Variants in SGCD observed in about 807,000 individuals in gnomAD.
The protein encoded by SGCD is sarcoglycan delta.
A neutral mutation model predicts 36.6 loss-of-function variants in SGCD; 18 were observed. That is an observed-to-expected ratio of 0.49 (90% confidence interval 0.34 to 0.73). The LOEUF is 0.73. SGCD is among the 30% of genes least tolerant of loss of function. The probability of loss-of-function intolerance (pLI) is 0.01; values close to 1 mark genes in which losing one functional copy is unlikely to be tolerated. For synonymous variants in SGCD, 133 were observed against 130.6 expected, an observed-to-expected ratio of 1.02 and a Z score of -0.12; for missense variants, 387 against 346.7, an observed-to-expected ratio of 1.12 and a Z score of -0.92.
chr5:156,457,452 A>G lies in SGCD; in HGVS notation c.193-51149A>G, dbSNP rs1279345923. ...TTTCCATAAAAAGCACAAAACAGTA[A>G]GTATTTGACACATCCATTCAAAAAT... On this transcript the variant is annotated intron_variant, in intron 3 of 8. Coordinates refer to ENST00000337851, the MANE Select transcript of SGCD (RefSeq NM_000337.6). Among the ~76,000 whole-genome samples the G allele has an allele frequency of 2.6e-5, 4 of 152,358 alleles. No individual in the cohort carries two copies. The East Asian group carries it at 7.7e-4, about 29-fold the overall frequency.
chr5:156,729,015 T>C (rs1032485299), intron 7 of SGCD, among the ~76,000 whole-genome samples: 5 of 152,210 alleles, frequency 3.3e-5, no homozygotes, highest in African/African-American at 4.8e-5. Context: ...CTGGAATAGA[T>C]TACAGCCATA....
At chr5:156,738,368 G>A (rs571956562) in intron 7 of SGCD, among the ~76,000 whole-genome samples, 10 of 152,196 alleles carry the variant, frequency 6.6e-5, no homozygotes, top group South Asian at 2.1e-4. Context: ...TGGAAACCTC[G>A]AGTTCTGAGG....
intron 3 of SGCD, among the ~76,000 whole-genome samples, chr5:156,239,424 A>G (rs1009135570): frequency 6.8e-6 from 1 of 147,326 alleles, no homozygotes; most frequent in Non-Finnish European, 1.5e-5. Context: ...AAAAAAAATT[A>G]GATTTGGTCA....
At chr5:155,782,242 C>A in the SGCD span, among the ~76,000 whole-genome samples, 2 of 152,036 alleles carry the variant, frequency 1.3e-5, no homozygotes, top group Non-Finnish European at 2.9e-5. Flanking sequence ...CCAGGCTGGT[C>A]TCGAACTCCT....
the SGCD span, among the ~76,000 whole-genome samples, chr5:155,742,365 T>C: frequency 6.6e-6 from 1 of 152,292 alleles, no homozygotes; most frequent in East Asian, 1.9e-4. Flanking sequence ...CTTTTGTCCT[T>C]GGGTTCCTGG....
intron 3 of SGCD, among the ~76,000 whole-genome samples, chr5:156,211,451 C>T (rs1378922590): frequency 6.6e-6 from 1 of 151,600 alleles, no homozygotes; most frequent in African/African-American, 2.4e-5. Flanking sequence ...ACTAAAAATA[C>T]AAAAAAATTA....
At chr5:156,193,499 C>T (rs1204687384) in intron 3 of SGCD, among the ~76,000 whole-genome samples, 2 of 152,182 alleles carry the variant, frequency 1.3e-5, no homozygotes, top group East Asian at 3.8e-4. Context: ...GCAGAAAGCA[C>T]ATTCCTTCTG....
the SGCD span, among the ~76,000 whole-genome samples, chr5:155,859,729 TTGG>T: frequency 1.3e-5 from 2 of 152,168 alleles, no homozygotes; most frequent in African/African-American, 4.8e-5. Flanking sequence ...TACCTTATAG[TTGG>T]TGGTGGAAGG....
At chr5:156,657,218 ACTTT>A (rs1035395640) in intron 7 of SGCD, among the ~76,000 whole-genome samples, 7 of 150,796 alleles carry the variant, frequency 4.6e-5, no homozygotes, top group Non-Finnish European at 8.9e-5. Context: ...AAATAGTCTG[ACTTT>A]TTTTTTTTCC....
intron 1 of SGCD, among the ~76,000 whole-genome samples, chr5:155,904,510 G>T (rs1203397301): frequency 1.3e-5 from 2 of 151,982 alleles, no homozygotes; most frequent in Non-Finnish European, 2.9e-5. Flanking sequence ...TTTTTAATTT[G>T]TTCGTATGTT....
At chr5:155,948,395 G>A (rs926183551) in intron 1 of SGCD, among the ~76,000 whole-genome samples, 1 of 152,150 alleles carries the variant, frequency 6.6e-6, no homozygotes, top group Non-Finnish European at 1.5e-5. Flanking sequence ...GTCGGAAGCA[G>A]GTATTTGTGA....
At chr5:156,020,401 G>T (rs554565245) in intron 1 of SGCD, among the ~76,000 whole-genome samples, 1 of 152,194 alleles carries the variant, frequency 6.6e-6, no homozygotes, top group South Asian at 2.1e-4. Context: ...ACTGTCACTT[G>T]GTTTTTGAAT....
chr5:156,022,035 A>C (rs1759115889), intron 1 of SGCD, among the ~76,000 whole-genome samples: 1 of 151,996 alleles, frequency 6.6e-6, no homozygotes, highest in African/African-American at 2.4e-5. Context: ...ATTTTCCCCT[A>C]CTCATGCCCC....
Position 156,070,464 on chromosome 5 carries a change from C to T in SGCD, c.-281-47414C>T, listed in dbSNP as rs187300204. 2.8e-3 allele frequency among the ~76,000 whole-genome samples: 424 copies of T among 150,372 alleles called. 6 individuals carry two copies. The highest frequency in any genetic ancestry group is 3.5e-3 in the Admixed American group (53 of 15,254). ...ATTTGTGTATATTGAACCAGACTTG[C>T]ATCCCAGGGATGAAGCCCACTTGAT... On this transcript the variant is annotated intron_variant, in intron 1 of 9. Transcript: ENST00000517913.
intron 7 of SGCD, among the ~76,000 whole-genome samples, chr5:156,670,806 A>G (rs780577035): frequency 2.0e-5 from 3 of 152,212 alleles, no homozygotes; most frequent in Non-Finnish European, 4.4e-5. Context: ...GCCATGGGCT[A>G]TGTGCCATGT....
chr5:156,021,110 C>A (rs1251490479), intron 1 of SGCD, among the ~76,000 whole-genome samples: 1 of 152,082 alleles, frequency 6.6e-6, no homozygotes, highest in Admixed American at 6.6e-5. Flanking sequence ...ATGTTTAATA[C>A]CAATGGTTCC....
intron 3 of SGCD, among the ~76,000 whole-genome samples, chr5:156,489,069 G>A (rs115630303): frequency 1.3e-5 from 2 of 152,018 alleles, no homozygotes; most frequent in African/African-American, 4.8e-5. Context: ...AGAAGCAGGG[G>A]TAGCTTTTCT....
chr5:156,105,210 CAAAG>C (rs1761616101), intron 1 of SGCD, among the ~76,000 whole-genome samples: 3 of 152,146 alleles, frequency 2.0e-5, no homozygotes, highest in South Asian at 4.2e-4. Context: ...GTGTTTTAAA[CAAAG>C]AAGGAAGAAA....
At chr5:155,730,290 C>T in the SGCD span, among the ~76,000 whole-genome samples, 18 of 152,144 alleles carry the variant, frequency 1.2e-4, no homozygotes, top group African/African-American at 4.1e-4. Context: ...CAGCATCTTC[C>T]AAAATTGCCC....
Sources: gnomAD v4.1 joint callset for allele counts (sites outside exome capture counted in the v4.1 genomes callset) on GRCh38, gnomAD v4.1.1 for gene constraint, MANE v1.5 for transcripts, NCBI Gene and HGNC (gene_info 2026-07-23, HGNC 2026-07-21) for gene names.